The following F9 variants were observed in gnomAD, a reference collection of about 807,000 sequenced individuals.
F9 encodes the protein Christmas factor.
Under a neutral mutation model 34.1 loss-of-function variants are expected in F9, and 2 were observed. The observed-to-expected ratio is 0.06, with a 90% CI of 0.02 to 0.18. F9 has a LOEUF of 0.18. F9 is among the 10% of genes least tolerant of loss of function. The pLI is 1.00. For synonymous variants in F9, 137 were observed against 118.8 expected (o/e 1.15, Z -1.00); for missense variants, 216 against 345.1 (o/e 0.63, Z 2.96).
At chrX:139,556,263 G>A (rs773459109) in intron 6 of F9, among the ~76,000 whole-genome samples, 5 of 111,835 alleles carry the variant, frequency 4.5e-5, no homozygotes, top group South Asian at 7.6e-4. Flanking sequence ...ATAGTTAACC[G>A]TATTAACCTA....
intron 6 of F9, among the ~76,000 whole-genome samples, chrX:139,556,226 A>G (rs1185363110): frequency 8.9e-6 from 1 of 112,296 alleles, no homozygotes; most frequent in Non-Finnish European, 1.9e-5. Context: ...TTATGCTTAT[A>G]TTAAGTTGTA....
chrX:139,555,433 G>T (rs183269254), intron 6 of F9, among the ~76,000 whole-genome samples: 1 of 113,001 alleles, frequency 8.8e-6, no homozygotes, highest in East Asian at 2.8e-4. Context: ...GCCGCGCCTT[G>T]TTCGCGATGG....
intron 4 of F9, among the ~76,000 whole-genome samples, chrX:139,546,813 CTAAA>C (rs535989147): frequency 2.7e-5 from 3 of 111,177 alleles, no homozygotes; most frequent in South Asian, 3.8e-4. Context: ...TAAGGAAAAC[CTAAA>C]TAAATGAATG....
At chrX:139,532,479 G>A (rs985003450) in intron 1 of F9, among the ~76,000 whole-genome samples, 1 of 111,727 alleles carries the variant, frequency 9.0e-6, no homozygotes, top group Non-Finnish European at 1.9e-5. Context: ...CATCAAAGAT[G>A]TCCTTCATTC....
chrX:139,533,352 C>A (rs1250983203), intron 1 of F9, among the ~76,000 whole-genome samples: 1 of 111,857 alleles, frequency 8.9e-6, no homozygotes, highest in Admixed American at 9.5e-5. Context: ...ATGAATCTAT[C>A]TTCCTCATTC....
Position 139,551,188 on chromosome X carries a change from A to C in F9, c.647A>C (p.Gln216Pro). The stretch of plus-strand genomic sequence containing the variant: ...GAAACCATTTTGGATAACATCACTC[A>C]AAGCACCCAATCATTTAATGACTTC... The part of the protein sequence containing the change: ...EAETILDNIT[Q>P]STQSFNDFTR... Residue 216 changes from glutamine to proline, a missense_variant, in exon 6 of 8, where the codon CAA becomes CCA. Physicochemically the swap from Gln to Pro is moderately conservative, Grantham distance 76. This residue lies in a region of F9 where 177 missense variants were observed against 311.8 expected (regional missense o/e 0.57). Transcript: ENST00000218099. 1 of 1,211,434 alleles carries C rather than the reference A, an allele frequency of 8.3e-7. No homozygotes were observed. Among genetic ancestry groups the C allele is most frequent in the Non-Finnish European group, 1.1e-6 (1 of 895,347 alleles).
chrX:139,546,411 T>C (rs970015101), intron 4 of F9, among the ~76,000 whole-genome samples: 1 of 112,006 alleles, frequency 8.9e-6, no homozygotes, highest in Non-Finnish European at 1.9e-5. Flanking sequence ...ATAGGTAACC[T>C]GTTAAACAGT....
At chrX:139,537,430 G>A (rs201895544) in intron 3 of F9, 44 bp downstream of exon 3, 63 of 1,062,968 alleles carry the variant, frequency 5.9e-5, no homozygotes, top group Non-Finnish European at 8.2e-5. Flanking sequence ...TGAAACATAT[G>A]AGAATTATGT....
At chrX:139,559,671 C>T (rs1928052183) in intron 6 of F9, among the ~76,000 whole-genome samples, 1 of 111,786 alleles carries the variant, frequency 8.9e-6, no homozygotes, top group Admixed American at 9.5e-5. Flanking sequence ...AAATTCAGGA[C>T]AAAAAGAACA....
Position 139,549,813 on chromosome X carries a change from G to C in F9, c.521-1249G>C, listed in dbSNP as rs762795362. Among the ~76,000 whole-genome samples, 7 of 112,185 alleles carry C rather than the reference G, an allele frequency of 6.2e-5. No homozygotes were observed. In the East Asian group the frequency reaches 2.0e-3, roughly 32 times the overall value. ...CAGTTTTGGGGCCAGTTTATGGCCAGATTTGGAGGCCTGTTCCCAACAAAC... is the reference window on the plus strand; with the variant it reads ...CAGTTTTGGGGCCAGTTTATGGCCACATTTGGAGGCCTGTTCCCAACAAAC... On this transcript the variant is annotated intron_variant, in intron 5 of 7. Transcript: ENST00000218099.
At chrX:139,531,361 A>C (rs1927340756) in intron 1 of F9, among the ~76,000 whole-genome samples, 1 of 112,164 alleles carries the variant, frequency 8.9e-6, no homozygotes, top group Admixed American at 9.5e-5. Flanking sequence ...TTTTTAAATT[A>C]TATATCTTCA....
At position 139,536,304 on chromosome X, in the gene F9, G is replaced by C. The variant is rs192553181; in HGVS notation, c.89-706G>C. 5.0e-5 allele frequency among the ~76,000 whole-genome samples: 4 copies of C among 79,394 alleles called. No individual in the cohort carries two copies. In the East Asian group the frequency reaches 1.2e-3, roughly 24 times the overall value. 68.9% of individuals were successfully genotyped at this position (79,394 alleles called of 115,157 possible). On this transcript the variant is annotated intron_variant, in intron 1 of 7. Transcript: ENST00000218099. ...ACACACACACATAGAGAGAGAGAGA[G>C]AGGAGAGGAGAGGAAGGAGGGAGGG...
intron 6 of F9, among the ~76,000 whole-genome samples, chrX:139,553,018 G>C (rs747719409): frequency 3.6e-5 from 4 of 112,234 alleles, no homozygotes; most frequent in Admixed American, 2.8e-4. Context: ...ACCTGGGGAT[G>C]GGGTGGTAGG....
Position 139,560,785 on chromosome X carries a change from C to A in F9, c.768C>A (p.Ile256=). 1.7e-6 allele frequency: 2 copies of A among 1,210,311 alleles called. No homozygotes were observed. Among genetic ancestry groups the A allele is most frequent in the Non-Finnish European group, 2.2e-6 (2 of 894,479 alleles). ...TTGATGCATTCTGTGGAGGCTCTAT[C>A]GTTAATGAAAAATGGATTGTAACTG... is the stretch of plus-strand genomic sequence containing the variant. The part of the protein sequence containing the change: ...GKVDAFCGGS[I]VNEKWIVTAA... Residue 256 remains isoleucine (I), a synonymous_variant, in exon 7 of 8, where the codon ATC becomes ATA. Transcript: ENST00000218099.
Position 139,548,076 on chromosome X carries a change from T to G in F9, c.392-287T>G, listed in dbSNP as rs188822939. ...ATATGTTATACATTAATAAATAGGG[T>G]TTTTAAACCTGTAGTTCATAATTTA... On this transcript the variant is annotated intron_variant, in intron 4 of 7. Coordinates refer to ENST00000218099, the MANE Select transcript of F9 (RefSeq NM_000133.4). Among the ~76,000 whole-genome samples, 22 of 111,985 alleles carry G rather than the reference T, an allele frequency of 2.0e-4. 1 individual carries two copies. The highest frequency in any genetic ancestry group is 6.8e-4 in the African/African-American group (21 of 30,926).
At chrX:139,553,680 G>T (rs1204812448) in intron 6 of F9, among the ~76,000 whole-genome samples, 1 of 108,942 alleles carries the variant, frequency 9.2e-6, no homozygotes, top group Admixed American at 9.8e-5. Flanking sequence ...CGGCGTGGTG[G>T]CAGGCGCCTA....
At chrX:139,533,378 C>T (rs1050346532) in intron 1 of F9, among the ~76,000 whole-genome samples, 4 of 112,195 alleles carry the variant, frequency 3.6e-5, no homozygotes, top group African/African-American at 1.3e-4. Flanking sequence ...AATAAGATGA[C>T]AGTGCCTATC....
At chrX:139,538,059 CTA>C (rs1927524755) in intron 3 of F9, among the ~76,000 whole-genome samples, 2 of 111,806 alleles carry the variant, frequency 1.8e-5, no homozygotes, top group African/African-American at 6.5e-5. Context: ...CCTTACCACT[CTA>C]GACACCTGTA....
At chrX:139,535,940 C>A (rs1043562614) in intron 1 of F9, among the ~76,000 whole-genome samples, 1 of 109,983 alleles carries the variant, frequency 9.1e-6, no homozygotes, top group African/African-American at 3.3e-5. Flanking sequence ...TCCTGGGCTG[C>A]AAACCTGTAC....
Sources: allele counts gnomAD v4.1 joint callset (sites outside exome capture counted in the v4.1 genomes callset), GRCh38; gene constraint gnomAD v4.1.1; regional missense constraint gnomAD v4.1.1; transcripts MANE v1.5; gene names NCBI Gene and HGNC (gene_info 2026-07-23, HGNC 2026-07-21).